The following PAPPA2 variants were observed in gnomAD, a reference collection of about 807,000 sequenced individuals.
PAPPA2 encodes the protein pappalysin 2.
PAPPA2 carries 86 observed loss-of-function variants against 176.4 expected under a neutral mutation model. That is an observed-to-expected ratio of 0.49 (90% CI 0.41 to 0.58). The LOEUF (loss-of-function observed/expected upper bound fraction) is 0.58. PAPPA2 is among the 20% of genes least tolerant of loss of function. The pLI, the probability that PAPPA2 is intolerant of heterozygous loss-of-function variation, is 0.00. For synonymous variants in PAPPA2, 809 were observed against 852.2 expected, an observed-to-expected ratio of 0.95 and a Z score of 0.88; for missense variants, 2,073 against 2,256.9, an observed-to-expected ratio of 0.92 and a Z score of 1.65.
At chr1:176,799,906 G>A (rs1046734684) in intron 20 of PAPPA2, among the ~76,000 whole-genome samples, 155 bp from the exon 21 acceptor site, 1 of 152,154 alleles carries the variant, frequency 6.6e-6, no homozygotes, top group Non-Finnish European at 1.5e-5. Context: ...CACGGGAAAG[G>A]CTAGATAGCC....
chr1:176,692,044 C>T, intron 5 of PAPPA2, 82 bp from the exon 6 acceptor site: 1 of 1,365,732 alleles, frequency 7.3e-7, no homozygotes, highest in Non-Finnish European at 1.0e-6. Context: ...CAGCCATGAA[C>T]AAGACACAAA....
chr1:176,678,418 C>A (rs1465981059), intron 4 of PAPPA2, among the ~76,000 whole-genome samples: 1 of 151,222 alleles, frequency 6.6e-6, no homozygotes, highest in Non-Finnish European at 1.5e-5. Context: ...TAAAAAAAAT[C>A]ATGGTCATTT....
intron 1 of PAPPA2, among the ~76,000 whole-genome samples, chr1:176,499,788 A>C (rs1647853971): frequency 6.6e-6 from 1 of 152,142 alleles, no homozygotes. Flanking sequence ...AAGTTGGCTA[A>C]CCCATGGTTT....
intron 12 of PAPPA2, among the ~76,000 whole-genome samples, chr1:176,713,699 A>G (rs549448825): frequency 2.0e-5 from 3 of 152,256 alleles, no homozygotes; most frequent in Non-Finnish European, 4.4e-5. Context: ...AAAGACAATC[A>G]TGGAAGAGGT....
chr1:176,666,395 G>A (rs1167121564), intron 3 of PAPPA2, among the ~76,000 whole-genome samples: 3 of 151,988 alleles, frequency 2.0e-5, no homozygotes, highest in Non-Finnish European at 4.4e-5. Flanking sequence ...GGATTAGGAG[G>A]TACATGGAAA....
At chr1:176,789,565 T>A (rs1297267004) in intron 17 of PAPPA2, among the ~76,000 whole-genome samples, 2 of 152,040 alleles carry the variant, frequency 1.3e-5, no homozygotes, top group East Asian at 1.9e-4. Flanking sequence ...TAATAAAATT[T>A]AAAAAAAGAG....
chr1:176,514,696 A>C (rs893309946), intron 1 of PAPPA2, among the ~76,000 whole-genome samples: 3 of 152,228 alleles, frequency 2.0e-5, no homozygotes, highest in African/African-American at 7.2e-5. Flanking sequence ...TTATTTATCC[A>C]TAGCATTCTT....
chr1:176,781,960 G>A (rs1664740681), intron 17 of PAPPA2, among the ~76,000 whole-genome samples: 1 of 152,160 alleles, frequency 6.6e-6, no homozygotes, highest in African/African-American at 2.4e-5. Context: ...TCTAATTCAT[G>A]CAATGGAAAT....
intron 3 of PAPPA2, among the ~76,000 whole-genome samples, chr1:176,606,773 A>C (rs1467629236): frequency 6.6e-6 from 1 of 152,148 alleles, no homozygotes; most frequent in Non-Finnish European, 1.5e-5. Flanking sequence ...GAGTTTCTTA[A>C]AATATGTACA....
At chr1:176,581,847 T>G (rs970488474) in intron 2 of PAPPA2, among the ~76,000 whole-genome samples, 3 of 151,694 alleles carry the variant, frequency 2.0e-5, no homozygotes, top group African/African-American at 7.2e-5. Flanking sequence ...TATAAGAGTT[T>G]TTTTTTAAAT....
At chr1:176,758,404 A>G (rs981066327) in intron 14 of PAPPA2, among the ~76,000 whole-genome samples, 1 of 152,230 alleles carries the variant, frequency 6.6e-6, no homozygotes, top group African/African-American at 2.4e-5. Flanking sequence ...TAGCAAAGCT[A>G]TCTAAGGATG....
At chr1:176,773,438 A>G (rs1056227952) in intron 17 of PAPPA2, among the ~76,000 whole-genome samples, 11 of 152,196 alleles carry the variant, frequency 7.2e-5, no homozygotes, top group African/African-American at 2.7e-4. Flanking sequence ...AATTGAGAAA[A>G]GCAGAAGGGA....
chr1:176,816,241 G>GTGTATATATA (rs371109914), intron 21 of PAPPA2, among the ~76,000 whole-genome samples: 6 of 113,518 alleles, frequency 5.3e-5, no homozygotes, highest in African/African-American at 1.9e-4. Context: ...GTGTGTGTGT[G>GTGTATATATA]TATATATATA....
At chr1:176,756,959 T>C (rs997841457) in intron 14 of PAPPA2, among the ~76,000 whole-genome samples, 2 of 152,204 alleles carry the variant, frequency 1.3e-5, no homozygotes, top group African/African-American at 4.8e-5. Context: ...CATGCAGTGT[T>C]TGGTTTTCTG....
At chr1:176,538,264 CAT>C (rs1000432144) in intron 1 of PAPPA2, among the ~76,000 whole-genome samples, 3 of 152,202 alleles carry the variant, frequency 2.0e-5, no homozygotes, top group African/African-American at 7.2e-5. Flanking sequence ...TCACTCTTCA[CAT>C]GTCTTGAGCA....
chr1:176,796,380 A>G (rs1451306002), intron 20 of PAPPA2, among the ~76,000 whole-genome samples: 1 of 152,232 alleles, frequency 6.6e-6, no homozygotes, highest in East Asian at 1.9e-4. Context: ...AAATTATCAC[A>G]AATGTGGACA....
intron 2 of PAPPA2, among the ~76,000 whole-genome samples, chr1:176,580,904 A>G (rs1652923019): frequency 1.3e-5 from 2 of 152,114 alleles, no homozygotes; most frequent in Admixed American, 1.3e-4. Flanking sequence ...AATAGTTGCA[A>G]CTATTTTCTC....
intron 21 of PAPPA2, among the ~76,000 whole-genome samples, chr1:176,835,327 G>T (rs973879235): frequency 6.6e-6 from 1 of 152,088 alleles, no homozygotes. Context: ...AATCTTCAAG[G>T]TGTCATCTAG....
At chr1:176,840,956 A>C (rs1477910570) in intron 22 of PAPPA2, among the ~76,000 whole-genome samples, 3 of 152,224 alleles carry the variant, frequency 2.0e-5, no homozygotes, top group African/African-American at 7.2e-5. Flanking sequence ...ATATGTCTCC[A>C]CAATAAAACC....
Sources: gnomAD v4.1 joint callset for allele counts (sites outside exome capture counted in the v4.1 genomes callset) on GRCh38, gnomAD v4.1.1 for gene constraint, MANE v1.5 for transcripts, NCBI Gene and HGNC (gene_info 2026-07-23, HGNC 2026-07-21) for gene names.